Variants in ZNRF2 observed in about 807,000 individuals in gnomAD.
ZNRF2 encodes the protein E3 ubiquitin-protein ligase ZNRF2.
A neutral mutation model predicts 20.4 loss-of-function variants in ZNRF2; 16 were observed. The ratio of observed to expected loss-of-function variants is 0.79; its 90% CI spans 0.53 to 1.19. The LOEUF (loss-of-function observed/expected upper bound fraction) is 1.19. Among genes scored for constraint, ZNRF2 ranks in the 50% most tolerant of loss-of-function variants. The pLI, the probability that ZNRF2 is intolerant of heterozygous loss-of-function variation, is 0.00. For missense variants in ZNRF2, 363 were observed against 332.4 expected (o/e 1.09, Z -0.72); for synonymous variants, 178 against 144.9 (o/e 1.23, Z -1.64).
In ZNRF2 at chr7:30,355,789, A is replaced by G; in HGVS notation, c.627A>G (p.Gly209=). 1 of 1,613,654 alleles carries G rather than the reference A, an allele frequency of 6.2e-7. No individual in the cohort carries two copies. Among genetic ancestry groups the G allele is most frequent in the Non-Finnish European group, 8.5e-7 (1 of 1,179,736 alleles). The change falls in exon 3 of 5, where the codon GGA becomes GGG. Residue 209 remains glycine, a synonymous_variant. Transcript: ENST00000323037. ...CAICLEELQQ[G]DTIARLPCLC... is the part of the protein sequence containing the mutation. ...TATGCCTTGAAGAATTGCAGCAGGG[A>G]GATACTATAGCACGACTGCCTTGTC...
intron 1 of ZNRF2, among the ~76,000 whole-genome samples, chr7:30,308,772 T>C (rs1242915405): frequency 6.6e-6 from 1 of 152,206 alleles, no homozygotes; most frequent in Admixed American, 6.6e-5. Flanking sequence ...TTTTTTTAAA[T>C]TAGAATTTGA....
At chr7:30,353,522 A>G (rs1276897473) in intron 2 of ZNRF2, among the ~76,000 whole-genome samples, 1 of 152,142 alleles carries the variant, frequency 6.6e-6, no homozygotes, top group Non-Finnish European at 1.5e-5. Flanking sequence ...CTGAGGGATA[A>G]GTCTCGCCCC....
chr7:30,312,370 T>G (rs1245038522), intron 1 of ZNRF2, among the ~76,000 whole-genome samples: 1 of 152,200 alleles, frequency 6.6e-6, no homozygotes, highest in Non-Finnish European at 1.5e-5. Flanking sequence ...CTGTTGTGTT[T>G]GTGCGTTCAT....
chr7:30,311,382 A>G (rs1031438207), intron 1 of ZNRF2, among the ~76,000 whole-genome samples: 23 of 152,210 alleles, frequency 1.5e-4, no homozygotes, highest in Non-Finnish European at 2.5e-4. Flanking sequence ...TGATTCTTCC[A>G]TATGTGAATT....
chr7:30,302,190 A>G (rs1020428200), intron 1 of ZNRF2, among the ~76,000 whole-genome samples: 2 of 152,176 alleles, frequency 1.3e-5, no homozygotes, highest in African/African-American at 4.8e-5. Flanking sequence ...GACTAGAGAA[A>G]AGTGCTCCTC....
At chr7:30,313,884 A>G (rs964747245) in intron 1 of ZNRF2, among the ~76,000 whole-genome samples, 35 of 152,192 alleles carry the variant, frequency 2.3e-4, no homozygotes, top group African/African-American at 8.2e-4. Flanking sequence ...CGATTTTACA[A>G]GGTCCATTTG....
intron 1 of ZNRF2, among the ~76,000 whole-genome samples, chr7:30,294,841 G>C (rs1420251366): frequency 2.0e-5 from 3 of 151,966 alleles, no homozygotes; most frequent in Non-Finnish European, 4.4e-5. Flanking sequence ...AGTTGTAAAG[G>C]ATAGAAGCAT....
rs1800234729 is a variant in ZNRF2 at position 30,367,541 on chromosome 7, C to T, written c.*1529C>T. On this transcript the variant is annotated 3_prime_UTR_variant, in exon 5 of 5. Coordinates refer to ENST00000323037, the MANE Select transcript of ZNRF2 (RefSeq NM_147128.4). ...TAAGAATTTGCTGTTTTATTTAACG[C>T]TGCTACTCTTAATCTTCTCTAAATT... 1 of 151,902 alleles carries T rather than the reference C, an allele frequency of 6.6e-6. No homozygotes were observed. Among genetic ancestry groups the T allele is most frequent in the Non-Finnish European group, 1.5e-5 (1 of 67,886 alleles). 9.4% of individuals were successfully genotyped at this position (151,902 alleles called of 1,614,324 possible). A position where few individuals can be genotyped will look rare whatever the true frequency, so the allele number is the denominator to read the frequency against.
At chr7:30,327,966 T>C (rs944780784) in intron 2 of ZNRF2, among the ~76,000 whole-genome samples, 1 of 152,212 alleles carries the variant, frequency 6.6e-6, no homozygotes, top group African/African-American at 2.4e-5. Context: ...AAAAACCGTG[T>C]ATAGTTTTTG....
chr7:30,356,922 G>T (rs1163342428), intron 3 of ZNRF2, among the ~76,000 whole-genome samples: 2 of 152,014 alleles, frequency 1.3e-5, no homozygotes, highest in East Asian at 3.9e-4. Flanking sequence ...AGCCAGGATG[G>T]TCTTGATCTC....
Position 30,285,672 on chromosome 7 carries a change from C to A in ZNRF2, c.315C>A (p.Asn105Lys). 1 of 1,442,176 alleles carries A rather than the reference C, an allele frequency of 6.9e-7. No homozygotes were observed. The highest frequency in any genetic ancestry group is 9.1e-7 in the Non-Finnish European group (1 of 1,103,562). 89.3% of individuals were successfully genotyped at this position (1,442,176 alleles called of 1,614,324 possible). The change falls in exon 1 of 5, where the codon AAC becomes AAA. Residue 105 changes from asparagine to lysine, a missense_variant. Around this residue, in one of 2 missense-constraint regions of ZNRF2, gnomAD observed 302 missense variants for 231.5 expected, o/e 1.30. Coordinates refer to ENST00000323037, the MANE Select transcript of ZNRF2 (RefSeq NM_147128.4). ...CGCAGTCCCCCTTCAGCATCCCGAA[C>A]AGCAGCAGCGGCCCGTACGGCTCGC... is the stretch of plus-strand genomic sequence containing the variant. ...RAAQSPFSIP[N>K]SSSGPYGSQD...
At chr7:30,358,635 G>A (rs963114492) in intron 3 of ZNRF2, among the ~76,000 whole-genome samples, 2 of 152,224 alleles carry the variant, frequency 1.3e-5, no homozygotes, top group African/African-American at 4.8e-5. Flanking sequence ...CACCATGTTG[G>A]TGGGACTTGT....
intron 1 of ZNRF2, among the ~76,000 whole-genome samples, chr7:30,316,170 C>G (rs1339674485): frequency 2.0e-5 from 3 of 151,368 alleles, no homozygotes; most frequent in Non-Finnish European, 4.4e-5. Context: ...TCCCTGTAAT[C>G]CCAGCTACTT....
chr7:30,332,154 T>G (rs2127949378), intron 2 of ZNRF2, among the ~76,000 whole-genome samples: 1 of 152,304 alleles, frequency 6.6e-6, no homozygotes, highest in African/African-American at 2.4e-5. Flanking sequence ...GAGTGTAATC[T>G]TAGTCTTGGT....
intron 1 of ZNRF2, among the ~76,000 whole-genome samples, chr7:30,314,938 T>G (rs1799346369): frequency 6.6e-6 from 1 of 152,010 alleles, no homozygotes; most frequent in Admixed American, 6.6e-5. Flanking sequence ...TGCCTCAGCC[T>G]CCTGAGTAGC....
intron 1 of ZNRF2, among the ~76,000 whole-genome samples, chr7:30,323,034 C>G (rs1799497483): frequency 6.6e-6 from 1 of 152,136 alleles, no homozygotes; most frequent in African/African-American, 2.4e-5. Context: ...CTGCAAAAAC[C>G]TGTACCCCGA....
chr7:30,345,930 G>C (rs918675552), intron 2 of ZNRF2, among the ~76,000 whole-genome samples: 1 of 151,924 alleles, frequency 6.6e-6, no homozygotes, highest in Non-Finnish European at 1.5e-5. Flanking sequence ...ATGTTTTCTT[G>C]CTCTCTGCTG....
At chr7:30,347,035 C>T (rs1258029632) in intron 2 of ZNRF2, among the ~76,000 whole-genome samples, 1 of 151,956 alleles carries the variant, frequency 6.6e-6, no homozygotes, top group Non-Finnish European at 1.5e-5. Context: ...GTAAAGTTGT[C>T]ATCATTGTTG....
chr7:30,312,238 C>G (rs1406026877), intron 1 of ZNRF2, among the ~76,000 whole-genome samples: 3 of 152,128 alleles, frequency 2.0e-5, no homozygotes, highest in African/African-American at 7.2e-5. Context: ...TCCTTGGTCT[C>G]TCAGAGTGTT....
Sources: gnomAD v4.1 joint callset for allele counts (sites outside exome capture counted in the v4.1 genomes callset) on GRCh38, gnomAD v4.1.1 for gene constraint, gnomAD v4.1.1 regional missense constraint, MANE v1.5 for transcripts, NCBI Gene and HGNC (gene_info 2026-07-23, HGNC 2026-07-21) for gene names.